Variants in NGLY1 observed in about 807,000 individuals in gnomAD.
NGLY1 encodes N-glycanase 1.
A neutral mutation model predicts 84.6 loss-of-function variants in NGLY1; 68 were observed. The ratio of observed to expected loss-of-function variants is 0.80; its 90% CI spans 0.66 to 0.98. NGLY1 has a LOEUF of 0.98. Among genes scored for constraint, NGLY1 ranks in the 50% least tolerant of loss-of-function variants. The pLI, the probability that NGLY1 is intolerant of heterozygous loss-of-function variation, is 0.00. For missense variants in NGLY1, 779 were observed against 770.2 expected (o/e 1.01, Z -0.14); for synonymous variants, 280 against 275.2 (o/e 1.02, Z -0.17).
chr3:25,764,367 T>C, intron 2 of NGLY1, 56 bp from the exon 3 acceptor site: 1 of 1,548,080 alleles, frequency 6.5e-7, no homozygotes, highest in Non-Finnish European at 8.8e-7. Flanking sequence ...AGTCATTCTT[T>C]TGTGCACACA....
intron 3 of NGLY1, among the ~76,000 whole-genome samples, chr3:25,763,171 G>A (rs1422924736): frequency 6.6e-6 from 1 of 152,080 alleles, no homozygotes; most frequent in East Asian, 1.9e-4. Context: ...ACAAGATTAA[G>A]AAAATGTGAA....
chr3:25,769,180 G>A (rs1258179999), intron 2 of NGLY1, among the ~76,000 whole-genome samples: 3 of 151,960 alleles, frequency 2.0e-5, no homozygotes. Flanking sequence ...CCAACATGGT[G>A]AAACCCCATC....
chr3:25,765,955 T>G (rs1473419477), intron 2 of NGLY1, among the ~76,000 whole-genome samples: 1 of 151,750 alleles, frequency 6.6e-6, no homozygotes, highest in Non-Finnish European at 1.5e-5. Flanking sequence ...GGTCTCAAAC[T>G]CCTAACCTCA....
intron 10 of NGLY1, among the ~76,000 whole-genome samples, chr3:25,726,222 T>C (rs764072369): frequency 1.3e-5 from 2 of 152,228 alleles, no homozygotes; most frequent in Non-Finnish European, 2.9e-5. Context: ...GCAGAATTTA[T>C]GCCACGTACA....
At chr3:25,767,916 CCTG>C (rs35196833) in intron 2 of NGLY1, among the ~76,000 whole-genome samples, 107,982 of 151,018 alleles carry the variant, frequency 0.72, 41,293 homozygotes, top group East Asian at 0.94. Context: ...AGCTGACCAG[CCTG>C]CTGGCCAACA....
chr3:25,725,274 TG>T (rs1705192088), intron 10 of NGLY1, among the ~76,000 whole-genome samples: 1 of 152,192 alleles, frequency 6.6e-6, no homozygotes, highest in African/African-American at 2.4e-5. Flanking sequence ...GGAGAACTTC[TG>T]GAGAGCTGAT....
At chr3:25,789,943 A>G in exon 1 of NGLY1, 3 of 1,529,702 alleles carry the variant, frequency 2.0e-6, no homozygotes, top group Non-Finnish European at 2.7e-6. Flanking sequence ...GCAAACAGCT[A>G]CCCAGCCGCC....
At chr3:25,767,449 C>G (rs982072821) in intron 2 of NGLY1, among the ~76,000 whole-genome samples, 1 of 152,150 alleles carries the variant, frequency 6.6e-6, no homozygotes. Flanking sequence ...AACAACCAAA[C>G]TGCCCTAGCA....
chr3:25,749,880 G>T, intron 4 of NGLY1: 1 of 873,782 alleles, frequency 1.1e-6, no homozygotes, highest in Non-Finnish European at 1.9e-6. Flanking sequence ...AGGCTGCACA[G>T]CGAAGAAAAT....
At chr3:25,764,985 T>C (rs1474028803) in intron 2 of NGLY1, among the ~76,000 whole-genome samples, 1 of 152,150 alleles carries the variant, frequency 6.6e-6, no homozygotes, top group African/African-American at 2.4e-5. Context: ...ATTTAAAGAA[T>C]ACCTATAAAT....
intron 4 of NGLY1, among the ~76,000 whole-genome samples, chr3:25,743,791 T>C (rs574606129): frequency 6.6e-6 from 1 of 152,300 alleles, no homozygotes; most frequent in South Asian, 2.1e-4. Context: ...AAACAGAGTA[T>C]TTGTACTTCT....
chr3:25,776,305 A>G (rs1043453830), intron 2 of NGLY1, among the ~76,000 whole-genome samples: 77 of 152,226 alleles, frequency 5.1e-4, no homozygotes, highest in African/African-American at 1.6e-3. Context: ...TGGCACTCAA[A>G]TATTTGCTGA....
At chr3:25,739,198 GA>G (rs1705998671) in intron 5 of NGLY1, among the ~76,000 whole-genome samples, 1 of 152,076 alleles carries the variant, frequency 6.6e-6, no homozygotes, top group Non-Finnish European at 1.5e-5. Context: ...AGTAATACAA[GA>G]TTTATAGCAT....
chr3:25,747,591 T>G (rs3821626), intron 4 of NGLY1, among the ~76,000 whole-genome samples: 123,980 of 152,066 alleles, frequency 0.82, 50,934 homozygotes, highest in East Asian at 0.94. Context: ...AGCCTTCAGA[T>G]GGATTTCTGG....
In NGLY1 at chr3:25,764,349, C is replaced by T. The variant is rs368132857; in HGVS notation, c.247-38G>A. On this transcript the variant is annotated intron_variant, in intron 2 of 11. Coordinates refer to ENST00000280700, the MANE Select transcript of NGLY1 (RefSeq NM_018297.4). Reference sequence around the variant, plus strand: ...AAATTAAAAAAAATGTGAACCTTTGCTTTATGCAGTCATTCTTTTGTGCAC... The same window carrying T: ...AAATTAAAAAAAATGTGAACCTTTGTTTTATGCAGTCATTCTTTTGTGCAC... 2.5e-6 allele frequency: 4 copies of T among 1,589,766 alleles called. No homozygotes were observed. The African/African-American group carries it at 5.4e-5, about 22-fold the overall frequency.
chr3:25,755,426 C>T (rs1706991305), intron 3 of NGLY1: 1 of 1,456,524 alleles, frequency 6.9e-7, no homozygotes, highest in African/African-American at 1.4e-5. Context: ...AGTGTCTGTC[C>T]CAAATAAAGT....
At chr3:25,733,773 A>G in intron 8 of NGLY1, 99 bp downstream of exon 8, 1 of 557,610 alleles carries the variant, frequency 1.8e-6, no homozygotes, top group Non-Finnish European at 3.0e-6. Context: ...TTATAAAACA[A>G]TGCTACTACT....
At chr3:25,732,569 G>A (rs1412928046) in intron 8 of NGLY1, 86 bp from the exon 9 acceptor site, 10 of 909,730 alleles carry the variant, frequency 1.1e-5, no homozygotes, top group Non-Finnish European at 1.6e-6. Context: ...TAAAACACTT[G>A]CATTTTAAGA....
intron 9 of NGLY1, among the ~76,000 whole-genome samples, chr3:25,731,822 C>T (rs773558602): frequency 6.6e-6 from 1 of 152,084 alleles, no homozygotes; most frequent in Non-Finnish European, 1.5e-5. Context: ...CAAAACAGTA[C>T]ATGCTATATG....
Sources: gnomAD v4.1 joint callset for allele counts (sites outside exome capture counted in the v4.1 genomes callset) on GRCh38, gnomAD v4.1.1 for gene constraint, MANE v1.5 for transcripts, NCBI Gene and HGNC (gene_info 2026-07-23, HGNC 2026-07-21) for gene names.